MINDY4: variants seen among roughly 807,000 people sequenced by gnomAD.
The protein encoded by MINDY4 is MINDY lysine 48 deubiquitinase 4.
In MINDY4, 68 loss-of-function variants were observed where a neutral mutation model predicts 87.0. That is an observed-to-expected ratio of 0.78 (90% CI 0.64 to 0.96). The LOEUF (loss-of-function observed/expected upper bound fraction) is 0.96, where lower values mean the gene tolerates loss of function less well. Among genes scored for constraint, MINDY4 ranks in the 40% least tolerant of loss-of-function variants. The pLI, the probability that MINDY4 is intolerant of heterozygous loss-of-function variation, is 0.00. For synonymous variants in MINDY4, 379 were observed against 363.2 expected (o/e 1.04, Z -0.50); for missense variants, 919 against 928.2 (o/e 0.99, Z 0.13).
chr7:30,832,595 T>C (rs1231689855), intron 6 of MINDY4, among the ~76,000 whole-genome samples: 3 of 152,200 alleles, frequency 2.0e-5, no homozygotes, highest in African/African-American at 7.2e-5. Flanking sequence ...CTCCGCCCTC[T>C]GTTTCCTGGG....
chr7:30,787,243 G>A (rs952227694), intron 4 of MINDY4, among the ~76,000 whole-genome samples: 1 of 152,186 alleles, frequency 6.6e-6, no homozygotes, highest in Non-Finnish European at 1.5e-5. Context: ...TCAAGGAAGA[G>A]CCTTCCCGCC....
intron 3 of MINDY4, among the ~76,000 whole-genome samples, chr7:30,785,269 G>GACACAC (rs3138796): frequency 0.036 from 4,990 of 138,546 alleles, 249 homozygotes; most frequent in African/African-American, 0.12. Context: ...CTCTCTCTCT[G>GACACAC]ACACACACAC....
At chr7:30,802,742 A>G (rs1211360036) in intron 5 of MINDY4, among the ~76,000 whole-genome samples, 2 of 152,192 alleles carry the variant, frequency 1.3e-5, no homozygotes, top group Non-Finnish European at 2.9e-5. Context: ...TTTTGTTCAT[A>G]CAAAACTAGT....
At position 30,824,721 on chromosome 7, in the gene MINDY4, G is replaced by A. The variant is rs181605482; in HGVS notation, c.1074-3958G>A. Among the ~76,000 whole-genome samples, 411 of 152,232 alleles carry A rather than the reference G, an allele frequency of 2.7e-3. 2 individuals carry two copies. The highest frequency in any genetic ancestry group is 2.7e-3 in the Non-Finnish European group (184 of 68,016). On this transcript the variant is annotated intron_variant, in intron 5 of 17. Coordinates refer to ENST00000265299, the MANE Select transcript of MINDY4 (RefSeq NM_032222.3). ...CCTGAGTAGCTGGGATTACAGGTGC[G>A]TGACACCACGCTCAACTAATTTATT...
At position 30,880,693 on chromosome 7, in the gene MINDY4, G is replaced by A. The variant is rs544045630; in HGVS notation, c.1972-1488G>A. On this transcript the variant is annotated intron_variant, in intron 15 of 17. Coordinates refer to ENST00000265299, the MANE Select transcript of MINDY4 (RefSeq NM_032222.3). ...CCAAGTTTACGTGGGGTTTAGGCAC[G>A]TCCAGCCACGTCCTGTAAGACATCT... Among the ~76,000 whole-genome samples the A allele has an allele frequency of 4.6e-5, 7 of 152,244 alleles. No homozygotes were observed. The South Asian group carries it at 6.2e-4, about 14-fold the overall frequency.
chr7:30,840,927 C>A (rs1789013917), intron 9 of MINDY4, 79 bp downstream of exon 9: 1 of 1,244,050 alleles, frequency 8.0e-7, no homozygotes, highest in Non-Finnish European at 1.2e-6. Flanking sequence ...AGCAAGGAAG[C>A]ATGTGTGTTC....
intron 17 of MINDY4, among the ~76,000 whole-genome samples, chr7:30,888,664 C>G (rs79093556): frequency 1.3e-5 from 2 of 152,208 alleles, no homozygotes; most frequent in Non-Finnish European, 2.9e-5. Flanking sequence ...CGATTCGATT[C>G]GTCCCCTACA....
At chr7:30,871,724 A>G (rs1790112318) in intron 13 of MINDY4, among the ~76,000 whole-genome samples, 1 of 152,192 alleles carries the variant, frequency 6.6e-6, no homozygotes, top group Non-Finnish European at 1.5e-5. Flanking sequence ...TGGTTTTCTC[A>G]AAGGGTTTTA....
At chr7:30,795,329 A>ATC (rs1279200367) in intron 5 of MINDY4, among the ~76,000 whole-genome samples, 2 of 152,198 alleles carry the variant, frequency 1.3e-5, no homozygotes, top group African/African-American at 4.8e-5. Context: ...TGAATTGAGA[A>ATC]GAGTTTTATC....
chr7:30,778,316 G>GTAAA, intron 1 of MINDY4, 116 bp from the exon 2 acceptor site: 1 of 1,326,238 alleles, frequency 7.5e-7, no homozygotes, highest in Non-Finnish European at 1.1e-6. Context: ...GATGTCAAGT[G>GTAAA]TAAAGGTTAT....
intron 4 of MINDY4, among the ~76,000 whole-genome samples, chr7:30,787,094 C>T (rs141024371): frequency 9.5e-4 from 145 of 152,336 alleles, no homozygotes; most frequent in African/African-American, 3.3e-3. Context: ...CTCCCTGCCC[C>T]TGGCTCTATC....
intron 8 of MINDY4, 51 bp from the exon 9 acceptor site, chr7:30,840,709 A>G: frequency 6.3e-7 from 1 of 1,578,612 alleles, no homozygotes; most frequent in African/African-American, 1.4e-5. Flanking sequence ...GAAACCAAAA[A>G]CTCTGCCCCA....
At chr7:30,866,448 G>GT (rs1307009974) in intron 13 of MINDY4, among the ~76,000 whole-genome samples, 3 of 152,216 alleles carry the variant, frequency 2.0e-5, no homozygotes, top group Non-Finnish European at 2.9e-5. Context: ...CCTGGGGTAG[G>GT]TGTGGGTAGG....
intron 15 of MINDY4, among the ~76,000 whole-genome samples, chr7:30,880,329 T>G (rs1169649079): frequency 8.3e-6 from 1 of 120,138 alleles, no homozygotes; most frequent in East Asian, 2.6e-4. Flanking sequence ...ACTGCGGCCT[T>G]GCCCCAAGCC....
chr7:30,892,311 C>T lies in MINDY4; in HGVS notation c.*306C>T, dbSNP rs1174632873. On this transcript the variant is annotated 3_prime_UTR_variant, in exon 18 of 18. Transcript: ENST00000265299. The stretch of plus-strand genomic sequence containing the variant: ...TGCTCCCTGCTGGGTGGTCCCTCAC[C>T]CAGGCCTCCAATGTGGTTGGCCCTG... 2 of 390,136 alleles carry T rather than the reference C, an allele frequency of 5.1e-6. No individual in the cohort carries two copies. Among genetic ancestry groups the T allele is most frequent in the Non-Finnish European group, 9.3e-6 (2 of 215,230 alleles). 24.2% of individuals were successfully genotyped at this position (390,136 alleles called of 1,614,324 possible).
At chr7:30,802,813 TGACCACCCAACCAACCAACCATCCCAACC>T (rs1787694987) in intron 5 of MINDY4, among the ~76,000 whole-genome samples, 1 of 152,166 alleles carries the variant, frequency 6.6e-6, no homozygotes, top group Non-Finnish European at 1.5e-5. Flanking sequence ...ACCAGCCATC[TGACCACCCAACCAACCAACCATCCCAACC>T]GACCAACCAA....
At chr7:30,838,535 T>C (rs1307144265) in intron 7 of MINDY4, among the ~76,000 whole-genome samples, 1 of 152,192 alleles carries the variant, frequency 6.6e-6, no homozygotes, top group Non-Finnish European at 1.5e-5. Context: ...TATTCAACTT[T>C]GCCATCATGG....
chr7:30,856,197 A>G (rs573744026), intron 12 of MINDY4, among the ~76,000 whole-genome samples: 3 of 152,142 alleles, frequency 2.0e-5, no homozygotes, highest in Admixed American at 2.0e-4. Flanking sequence ...AAGTGGCACC[A>G]CTTTCTAGAC....
Position 30,878,732 on chromosome 7 carries a change from A to G in MINDY4, c.1971+3076A>G, listed in dbSNP as rs531340888. Among the ~76,000 whole-genome samples the G allele has an allele frequency of 2.2e-4, 33 of 152,294 alleles. No homozygotes were observed. In the Middle Eastern group the frequency reaches 0.02, roughly 94 times the overall value. On this transcript the variant is annotated intron_variant, in intron 15 of 17. Transcript: ENST00000265299. The stretch of plus-strand genomic sequence containing the variant: ...GCCATCTTCATGAAGGGACCCACAA[A>G]GGAAAACAGCTTGACGGGCAAGAGT...
Sources: allele counts gnomAD v4.1 joint callset (sites outside exome capture counted in the v4.1 genomes callset), GRCh38; gene constraint gnomAD v4.1.1; transcripts MANE v1.5; gene names NCBI Gene and HGNC (gene_info 2026-07-23, HGNC 2026-07-21).